The following OSTF1 variants were observed in gnomAD, a reference collection of about 807,000 sequenced individuals.
The protein encoded by OSTF1 is osteoclast stimulating factor 1.
Under a neutral mutation model 37.2 loss-of-function variants are expected in OSTF1, and 27 were observed. The observed-to-expected ratio is 0.73, with a 90% CI of 0.54 to 1.00. OSTF1 has a LOEUF of 1.00. OSTF1 is among the 50% of genes least tolerant of loss of function. OSTF1 has a pLI of 0.00. For missense variants in OSTF1, 232 were observed against 253.8 expected (o/e 0.91, Z 0.58); for synonymous variants, 82 against 89.2 (o/e 0.92, Z 0.46).
intron 1 of OSTF1, among the ~76,000 whole-genome samples, chr9:75,106,678 G>A (rs1223868703): frequency 1.3e-5 from 2 of 148,366 alleles, no homozygotes; most frequent in Non-Finnish European, 3.0e-5. Flanking sequence ...AGTGGGTGCC[G>A]GGCGTGGTGG....
chr9:75,101,196 C>T (rs1345486038), intron 1 of OSTF1, among the ~76,000 whole-genome samples: 2 of 152,184 alleles, frequency 1.3e-5, no homozygotes, highest in African/African-American at 2.4e-5. Context: ...ACCACCTGGG[C>T]TGTCTAGGCG....
At chr9:75,119,568 G>A (rs1424442584) in intron 2 of OSTF1, among the ~76,000 whole-genome samples, 1 of 152,180 alleles carries the variant, frequency 6.6e-6, no homozygotes, top group Non-Finnish European at 1.5e-5. Context: ...GGCAGGATTG[G>A]TTTCTTCTGA....
chr9:75,145,245 C>T (rs1436026601), intron 9 of OSTF1, among the ~76,000 whole-genome samples: 1 of 152,050 alleles, frequency 6.6e-6, no homozygotes, highest in Non-Finnish European at 1.5e-5. Context: ...ACTTACCTAC[C>T]TACCTAGCTA....
chr9:75,130,563 CTCT>C lies in OSTF1; in HGVS notation c.133-10_133-8del, dbSNP rs769162380. 13 of 1,581,086 alleles carry C rather than the reference CTCT, an allele frequency of 8.2e-6. No individual in the cohort carries two copies. The African/African-American group carries it at 1.6e-4, about 20-fold the overall frequency. ...CTGGATTTCATACCACTTAATTTAA[CTCT>C]TCTTTTACCAGAGCGATACCAATTG... is the stretch of plus-strand genomic sequence containing the variant. On this transcript the variant is annotated splice_polypyrimidine_tract_variant and intron_variant, in intron 3 of 9. Transcript: ENST00000346234.
chr9:75,119,297 G>A (rs1390633127), intron 2 of OSTF1, among the ~76,000 whole-genome samples: 1 of 152,224 alleles, frequency 6.6e-6, no homozygotes, highest in Non-Finnish European at 1.5e-5. Context: ...GCCACTAATA[G>A]ACTAACATGG....
intron 8 of OSTF1, among the ~76,000 whole-genome samples, chr9:75,138,080 G>T (rs1434396411): frequency 2.6e-5 from 4 of 152,148 alleles, no homozygotes; most frequent in Non-Finnish European, 4.4e-5. Context: ...AACGAGAGAG[G>T]ATATCTTGAT....
At chr9:75,133,423 A>T in intron 6 of OSTF1, 22 bp downstream of exon 6, 1 of 1,369,922 alleles carries the variant, frequency 7.3e-7, no homozygotes, top group Non-Finnish European at 1.0e-6. Context: ...TGTTTGTTAT[A>T]TGTTTCTATG....
intron 1 of OSTF1, among the ~76,000 whole-genome samples, chr9:75,109,321 A>T (rs1825345076): frequency 6.6e-6 from 1 of 152,058 alleles, no homozygotes; most frequent in Admixed American, 6.5e-5. Flanking sequence ...CAGGTTTCAG[A>T]TTTATTCTTG....
At chr9:75,096,234 G>A (rs1825084361) in intron 1 of OSTF1, among the ~76,000 whole-genome samples, 1 of 152,154 alleles carries the variant, frequency 6.6e-6, no homozygotes, top group Non-Finnish European at 1.5e-5. Context: ...ACCACTTTAT[G>A]TCTGTGCATC....
chr9:75,132,715 G>A (rs927483391), intron 5 of OSTF1, among the ~76,000 whole-genome samples: 3 of 152,076 alleles, frequency 2.0e-5, no homozygotes, highest in African/African-American at 7.2e-5. Flanking sequence ...AAAAGTAAAA[G>A]GACTAAACTG....
chr9:75,088,617 G>GC lies in OSTF1; in HGVS notation c.-73dup, dbSNP rs1344900652. On this transcript the variant is annotated 5_prime_UTR_variant, in exon 1 of 10. Transcript: ENST00000346234. ...TAAGCCAGACAAAAAGAACTGGGGTGCCCGGAGTGCCAGGTGGCGGGCAAG... is the reference window on the plus strand; with the variant it reads ...TAAGCCAGACAAAAAGAACTGGGGTGCCCCGGAGTGCCAGGTGGCGGGCAAG... 2.0e-6 allele frequency: 3 copies of GC among 1,470,512 alleles called. No homozygotes were observed. In the African/African-American group the frequency reaches 4.2e-5, roughly 21 times the overall value. The allele number at this position is 1,470,512 out of a possible 1,614,324, so 91.1% of individuals were successfully genotyped here. A position where few individuals can be genotyped will look rare whatever the true frequency, so the allele number is the denominator to read the frequency against.
intron 2 of OSTF1, 82 bp from the exon 3 acceptor site, chr9:75,127,487 A>G (rs1825679434): frequency 1.3e-6 from 1 of 752,404 alleles, no homozygotes. Context: ...GCTTATTAGA[A>G]TATGATAGAA....
chr9:75,103,108 G>C (rs537385968), intron 1 of OSTF1, among the ~76,000 whole-genome samples: 2 of 148,162 alleles, frequency 1.3e-5, no homozygotes. Flanking sequence ...GCAACATAAT[G>C]ATACTCTATC....
intron 1 of OSTF1, among the ~76,000 whole-genome samples, chr9:75,092,160 A>T (rs1824987038): frequency 6.6e-6 from 1 of 152,240 alleles, no homozygotes; most frequent in Admixed American, 6.5e-5. Flanking sequence ...ACATTAAGCT[A>T]TAATGCAGGC....
intron 1 of OSTF1, among the ~76,000 whole-genome samples, chr9:75,093,870 A>G (rs931851031): frequency 6.6e-6 from 1 of 152,104 alleles, no homozygotes; most frequent in Non-Finnish European, 1.5e-5. Flanking sequence ...AAATTTCACA[A>G]TGATGATGAT....
chr9:75,103,879 C>T (rs1825238498), intron 1 of OSTF1, among the ~76,000 whole-genome samples: 1 of 152,184 alleles, frequency 6.6e-6, no homozygotes, highest in African/African-American at 2.4e-5. Context: ...AAGCAATCCT[C>T]CCGCCTCAGC....
At chr9:75,105,241 G>T (rs1345860641) in intron 1 of OSTF1, among the ~76,000 whole-genome samples, 2 of 152,194 alleles carry the variant, frequency 1.3e-5, no homozygotes, top group Admixed American at 6.5e-5. Context: ...CTGTGGCCCA[G>T]TGCTCTGTTT....
intron 1 of OSTF1, among the ~76,000 whole-genome samples, chr9:75,091,081 C>CTTT (rs35343834): frequency 0.046 from 4,340 of 93,582 alleles, 274 homozygotes; most frequent in Non-Finnish European, 0.062. Context: ...GAAGTCTGCA[C>CTTT]TTTTTTTTTT....
At chr9:75,115,853 C>T (rs56747245) in intron 1 of OSTF1, among the ~76,000 whole-genome samples, 9,330 of 151,982 alleles carry the variant, frequency 0.061, 390 homozygotes, top group African/African-American at 0.11. Flanking sequence ...CCTGTAATCC[C>T]AGCACTTTGG....
Sources: gnomAD v4.1 joint callset for allele counts (sites outside exome capture counted in the v4.1 genomes callset) on GRCh38, gnomAD v4.1.1 for gene constraint, MANE v1.5 for transcripts, NCBI Gene and HGNC (gene_info 2026-07-23, HGNC 2026-07-21) for gene names.